Variants in HADHB observed in about 807,000 individuals in gnomAD.
HADHB encodes the protein hydroxyacyl-CoA dehydrogenase trifunctional multienzyme complex subunit beta.
HADHB carries 50 observed loss-of-function variants against 61.9 expected under a neutral mutation model. The observed-to-expected ratio is 0.81, with a 90% CI of 0.64 to 1.02. The LOEUF (loss-of-function observed/expected upper bound fraction) is 1.02, where lower values mean the gene tolerates loss of function less well. HADHB is among the 50% of genes least tolerant of loss of function. HADHB has a pLI of 0.00. For missense variants in HADHB, 504 were observed against 586.5 expected, an observed-to-expected ratio of 0.86 and a Z score of 1.45; for synonymous variants, 191 against 201.6, an observed-to-expected ratio of 0.95 and a Z score of 0.45.
intron 15 of HADHB, 133 bp downstream of exon 15, chr2:26,285,704 C>CAGCTGTAAT: frequency 2.7e-6 from 1 of 367,550 alleles, no homozygotes; most frequent in South Asian, 2.4e-5. Flanking sequence ...GGAGGGATAA[C>CAGCTGTAAT]AGCTGTAATT....
chr2:26,277,204 T>A, intron 7 of HADHB, 44 bp downstream of exon 7: 3 of 910,934 alleles, frequency 3.3e-6, no homozygotes, highest in Non-Finnish European at 5.5e-6. Context: ...ATTATTCTCC[T>A]TTGTCTTTTA....
chr2:26,284,023 T>G (rs144329434), intron 12 of HADHB, 94 bp from the exon 13 acceptor site: 1 of 738,142 alleles, frequency 1.4e-6, no homozygotes, highest in Non-Finnish European at 2.5e-6. Context: ...GAAAAGACAT[T>G]AGAGTACCTA....
chr2:26,254,129 G>A (rs537444383), intron 1 of HADHB, 118 bp from the exon 2 acceptor site: 3 of 703,294 alleles, frequency 4.3e-6, no homozygotes, highest in Non-Finnish European at 7.8e-6. Context: ...TAGTTGATAA[G>A]ATTAAGTTTT....
intron 4 of HADHB, among the ~76,000 whole-genome samples, chr2:26,264,689 C>T (rs1164584915): frequency 6.6e-6 from 1 of 151,160 alleles, no homozygotes. Context: ...TGGTTTGGGA[C>T]CTACAAATAT....
chr2:26,288,664 A>T (rs941286190), intron 15 of HADHB, among the ~76,000 whole-genome samples: 1 of 151,958 alleles, frequency 6.6e-6, no homozygotes, highest in African/African-American at 2.4e-5. Flanking sequence ...AGCCGTGTTC[A>T]GGCCACTGCA....
intron 10 of HADHB, among the ~76,000 whole-genome samples, chr2:26,280,500 GTAACAC>G (rs1160603016): frequency 6.6e-6 from 1 of 152,204 alleles, no homozygotes; most frequent in Admixed American, 6.5e-5. Flanking sequence ...CTTGGAAGAG[GTAACAC>G]TTGAGCAGCA....
At position 26,254,379 on chromosome 2, in the gene HADHB, A is replaced by C. The variant is rs779987026; in HGVS notation, c.65-51A>C. On this transcript the variant is annotated intron_variant, in intron 2 of 15. Coordinates refer to ENST00000317799, the MANE Select transcript of HADHB (RefSeq NM_000183.3). The stretch of plus-strand genomic sequence containing the variant: ...GGATTTGGATTTATAAACATCTCGC[A>C]CAGATACTGAATGGTATTGCTTTTT... 2.0e-6 allele frequency: 3 copies of C among 1,466,144 alleles called. No homozygotes were observed. The South Asian group carries it at 3.4e-5, about 17-fold the overall frequency. 90.8% of individuals were successfully genotyped at this position (1,466,144 alleles called of 1,614,324 possible).
chr2:26,277,598 A>G (rs191354046), intron 7 of HADHB, among the ~76,000 whole-genome samples: 1 of 152,310 alleles, frequency 6.6e-6, no homozygotes, highest in East Asian at 1.9e-4. Flanking sequence ...TTTTTTAAAA[A>G]GTAAGGTCAG....
chr2:26,274,993 C>T (rs1672486478), intron 6 of HADHB, among the ~76,000 whole-genome samples: 1 of 152,164 alleles, frequency 6.6e-6, no homozygotes, highest in Non-Finnish European at 1.5e-5. Flanking sequence ...AATTTTACAT[C>T]CATTTGCAGA....
chr2:26,268,297 T>C (rs34879033), intron 4 of HADHB, among the ~76,000 whole-genome samples: 26,528 of 152,212 alleles, frequency 0.17, 2,744 homozygotes, highest in Middle Eastern at 0.26. Flanking sequence ...AAAATATTTA[T>C]CAATTACTAT....
chr2:26,277,827 G>C (rs1302225189), intron 7 of HADHB, among the ~76,000 whole-genome samples: 2 of 152,204 alleles, frequency 1.3e-5, no homozygotes, highest in Non-Finnish European at 2.9e-5. Flanking sequence ...CTTCAGATAT[G>C]ATATTTTCCC....
chr2:26,273,116 G>A (rs1051408262), intron 5 of HADHB, among the ~76,000 whole-genome samples: 2 of 151,904 alleles, frequency 1.3e-5, no homozygotes, highest in Admixed American at 6.6e-5. Context: ...CCAAGTCTGG[G>A]TTCAGGGAGT....
intron 1 of HADHB, among the ~76,000 whole-genome samples, chr2:26,250,495 G>A (rs1206169074): frequency 6.6e-6 from 1 of 151,878 alleles, no homozygotes; most frequent in Non-Finnish European, 1.5e-5. Flanking sequence ...GTACTTCTGG[G>A]TTTTGTGCCA....
In HADHB at chr2:26,263,493, G is replaced by A; in HGVS notation, c.209+14G>A. 6.8e-7 allele frequency: 1 copy of A among 1,474,786 alleles called. No homozygotes were observed. The highest frequency in any genetic ancestry group is 1.7e-4 in the Middle Eastern group (1 of 5,722). The allele number at this position is 1,474,786 out of a possible 1,614,324, so 91.4% of individuals were successfully genotyped here. ...GTCTGGCACTTCGTAAGTATGACAT[G>A]ATCATATTATTTTTTTCCTTCTTTT... On this transcript the variant is annotated intron_variant, in intron 4 of 15. Coordinates refer to ENST00000317799, the MANE Select transcript of HADHB (RefSeq NM_000183.3).
chr2:26,285,258 G>C (rs1672977937), intron 14 of HADHB, 149 bp from the exon 15 acceptor site: 1 of 691,954 alleles, frequency 1.4e-6, no homozygotes, highest in Non-Finnish European at 2.5e-6. Flanking sequence ...TATTGACCTA[G>C]ACTTACTTTC....
intron 6 of HADHB, among the ~76,000 whole-genome samples, chr2:26,275,586 C>T (rs1356752995): frequency 6.6e-6 from 1 of 152,150 alleles, no homozygotes; most frequent in Non-Finnish European, 1.5e-5. Flanking sequence ...GCCCCTTTTA[C>T]ACTTGCCCTT....
chr2:26,279,182 T>C lies in HADHB; in HGVS notation c.678T>C (p.Ser226=), dbSNP rs914466175. ...CCACCAGTGAGACCATGGGCCACTCTGCAGACCGACTGGCCGCTGCCTTTG... is the reference window on the plus strand; with the variant it reads ...CCACCAGTGAGACCATGGGCCACTCCGCAGACCGACTGGCCGCTGCCTTTG... ...EFSTSETMGH[S]ADRLAAAFAV... Residue 226 remains serine (S), a synonymous_variant, in exon 9 of 16, where the codon TCT becomes TCC. Coordinates refer to ENST00000317799, the MANE Select transcript of HADHB (RefSeq NM_000183.3). 1 of 1,613,852 alleles carries C rather than the reference T, an allele frequency of 6.2e-7. No homozygotes were observed. The highest frequency in any genetic ancestry group is 1.3e-5 in the African/African-American group (1 of 75,042).
At chr2:26,263,136 C>A (rs1423660974) in intron 3 of HADHB, among the ~76,000 whole-genome samples, 1 of 151,610 alleles carries the variant, frequency 6.6e-6, no homozygotes, top group East Asian at 1.9e-4. Context: ...CCCATCTCTA[C>A]AAAAATACAA....
rs1574658989 is a variant in HADHB, at chr2:26,273,762, A to G, written c.354+12A>G. ...ATGTGGCTAGAGAGGTGAGTAAAAC[A>G]AACTTTATGTTGTTTAAAGAGTGAT... On this transcript the variant is annotated intron_variant, in intron 6 of 15. Transcript: ENST00000317799. 1 of 1,308,648 alleles carries G rather than the reference A, an allele frequency of 7.6e-7. No individual in the cohort carries two copies. Among genetic ancestry groups the G allele is most frequent in the Non-Finnish European group, 1.1e-6 (1 of 900,958 alleles). The allele number at this position is 1,308,648 out of a possible 1,614,324, so 81.1% of individuals were successfully genotyped here.
Sources: gnomAD v4.1 joint callset for allele counts (sites outside exome capture counted in the v4.1 genomes callset) on GRCh38, gnomAD v4.1.1 for gene constraint, MANE v1.5 for transcripts, NCBI Gene and HGNC (gene_info 2026-07-23, HGNC 2026-07-21) for gene names.